PEX3: variants seen among roughly 807,000 people sequenced by gnomAD.
The protein encoded by PEX3 is peroxisomal biogenesis factor 3, also known as peroxin-3.
PEX3 carries 30 observed loss-of-function variants against 55.8 expected under a neutral mutation model. That is an observed-to-expected ratio of 0.54 (90% CI 0.40 to 0.73). PEX3 has a LOEUF of 0.73. Ranked by LOEUF, PEX3 falls within the 30% of genes least tolerant of loss-of-function variation. PEX3 has a pLI of 0.00. For synonymous variants in PEX3, 135 were observed against 148.4 expected (o/e 0.91, Z 0.66); for missense variants, 351 against 432.8 (o/e 0.81, Z 1.68).
chr6:143,479,445 T>C lies in PEX3; in HGVS notation c.941+247T>C, dbSNP rs1204093957. ...GAAGTACTTTAGTTGTAATTACCTT[T>C]CTATAAGTTGAATTCCAATTATTGT... On this transcript the variant is annotated intron_variant, in intron 10 of 11. Coordinates refer to ENST00000367591, the MANE Select transcript of PEX3 (RefSeq NM_003630.3). This position sits in a 1 kb window ranked among gnomAD's most constrained non-coding sequence, Gnocchi z 4.6. 2.0e-5 allele frequency among the ~76,000 whole-genome samples: 3 copies of C among 152,168 alleles called. No homozygotes were observed. The highest frequency in any genetic ancestry group is 6.5e-5 in the Admixed American group (1 of 15,286).
rs1173753421 is a variant in PEX3, at chr6:143,462,924, A to G, written c.214A>G (p.Met72Val). The G allele has an allele frequency of 1.2e-6, 2 of 1,612,544 alleles. No individual in the cohort carries two copies. Among genetic ancestry groups the G allele is most frequent in the Admixed American group, 1.7e-5 (1 of 59,960 alleles). ...TTTTGTTTGTATTACAGTGCTGTCC[A>G]TGCTTCCAACACTGAGAGAGGCCTT... Reference protein sequence around the residue: ...QRTCNMTVLSMLPTLREALMQ... With the variant: ...QRTCNMTVLSVLPTLREALMQ... Residue 72 changes from methionine to valine, a missense_variant, in exon 3 of 12, where the codon ATG becomes GTG. Physicochemically the swap from Met to Val is conservative, Grantham distance 21. Transcript: ENST00000367591. This position sits in a 1 kb window ranked among gnomAD's most constrained non-coding sequence, Gnocchi z 4.1.
intron 9 of PEX3, among the ~76,000 whole-genome samples, chr6:143,478,128 A>G (rs1780178597): frequency 6.6e-6 from 1 of 152,150 alleles, no homozygotes; most frequent in Non-Finnish European, 1.5e-5. Context: ...TACAGCATAG[A>G]AGAACCTTCA....
chr6:143,487,253 C>T lies in PEX3; in HGVS notation c.1039-1890C>T, dbSNP rs1207784832. ...ACATCCTAGAAGCTGCATCAGGATACAGTATTTGAACAGATTAAAGTCTTT... is the reference window on the plus strand; with the variant it reads ...ACATCCTAGAAGCTGCATCAGGATATAGTATTTGAACAGATTAAAGTCTTT... On this transcript the variant is annotated intron_variant, in intron 11 of 11. Transcript: ENST00000367591. This position sits in a 1 kb window ranked among gnomAD's most constrained non-coding sequence, Gnocchi z 5.3. Among the ~76,000 whole-genome samples, 1 of 152,126 alleles carries T rather than the reference C, an allele frequency of 6.6e-6. No homozygotes were observed. The highest frequency in any genetic ancestry group is 6.6e-5 in the Admixed American group (1 of 15,262).
chr6:143,472,474 A>G (rs1258048930), intron 8 of PEX3, 146 bp downstream of exon 8: 4 of 650,122 alleles, frequency 6.2e-6, no homozygotes, highest in Non-Finnish European at 1.1e-5. Flanking sequence ...CCATTAATTT[A>G]GAAAAACAGC....
In PEX3 at chr6:143,459,608, G is replaced by C. The variant is rs1779892630; in HGVS notation, c.205+392G>C. Among the ~76,000 whole-genome samples the C allele has an allele frequency of 6.6e-6, 1 of 152,188 alleles. No homozygotes were observed. ...CGTTCTTTAAGACAGGGGATCAGTA[G>C]AGTCAGGTTTCTTTGAGGTAACATT... On this transcript the variant is annotated intron_variant, in intron 2 of 11. Coordinates refer to ENST00000367591, the MANE Select transcript of PEX3 (RefSeq NM_003630.3). This position sits in a 1 kb window ranked among gnomAD's most constrained non-coding sequence, Gnocchi z 4.2.
At chr6:143,456,407 C>A (rs2128745274) in intron 1 of PEX3, among the ~76,000 whole-genome samples, 1 of 152,312 alleles carries the variant, frequency 6.6e-6, no homozygotes, top group Admixed American at 6.5e-5. Context: ...TGTATAAGAA[C>A]TTAGTTCAGT....
In PEX3 at chr6:143,485,163, T is replaced by G. The variant is rs777720719; in HGVS notation, c.953T>G (p.Val318Gly). The change falls in exon 11 of 12, where the codon GTC becomes GGC. Residue 318 changes from valine (V) to glycine (G), a missense_variant. By Grantham distance (109) the Val-to-Gly change is moderately radical. Transcript: ENST00000367591. This position sits in a 1 kb window ranked among gnomAD's most constrained non-coding sequence, Gnocchi z 5.6. ...TAATGATTTTTCAGTCTTTCCAGTG[T>G]CAGCCTGCCTTTAGCTAAGATAATT... Reference protein sequence around the residue: ...HGNSMNSLSSVSLPLAKIIPI... With the variant: ...HGNSMNSLSSGSLPLAKIIPI... The G allele has an allele frequency of 5.0e-6, 8 of 1,592,652 alleles. No homozygotes were observed. In the African/African-American group the frequency reaches 1.1e-4, roughly 21 times the overall value.
rs1780342773 is a variant in PEX3, at chr6:143,488,021, CCTGAAAGTATGTCTGTAAATT to C, written c.1039-1118_1039-1098del. On this transcript the variant is annotated intron_variant, in intron 11 of 11. Coordinates refer to ENST00000367591, the MANE Select transcript of PEX3 (RefSeq NM_003630.3). The surrounding 1 kb of genome is among the most constrained non-coding windows in gnomAD (Gnocchi z 4.9). ...AAATTTCCCCTCAAATTCTTGGGCC[CCTGAAAGTATGTCTGTAAATT>C]CTGGTTTGAGAAACATTGATCTAAA... is the stretch of plus-strand genomic sequence containing the variant. Among the ~76,000 whole-genome samples the C allele has an allele frequency of 6.6e-6, 1 of 152,056 alleles. No individual in the cohort carries two copies. The highest frequency in any genetic ancestry group is 1.5e-5 in the Non-Finnish European group (1 of 67,972).
At position 143,486,242 on chromosome 6, in the gene PEX3, T is replaced by C. The variant is rs1191470677; in HGVS notation, c.1038+994T>C. Among the ~76,000 whole-genome samples, 1 of 152,146 alleles carries C rather than the reference T, an allele frequency of 6.6e-6. No homozygotes were observed. Among genetic ancestry groups the C allele is most frequent in the Non-Finnish European group, 1.5e-5 (1 of 68,020 alleles). On this transcript the variant is annotated intron_variant, in intron 11 of 11. Transcript: ENST00000367591. This position sits in a 1 kb window ranked among gnomAD's most constrained non-coding sequence, Gnocchi z 5.0. ...GATCTCATTTTACTGAATGTTAAGC[T>C]TCACATCTATATCAATGTGAGAAAA...
intron 2 of PEX3, among the ~76,000 whole-genome samples, chr6:143,460,743 A>T (rs1779906965): frequency 6.6e-6 from 1 of 152,018 alleles, no homozygotes; most frequent in South Asian, 2.1e-4. Context: ...GCATGCCTGT[A>T]ATCCCAACTA....
chr6:143,461,723 G>T (rs1779923471), intron 2 of PEX3, among the ~76,000 whole-genome samples: 1 of 152,156 alleles, frequency 6.6e-6, no homozygotes, highest in Admixed American at 6.5e-5. Context: ...AAGGTGGGAG[G>T]ATTGCTAGAG....
rs1462712986 is a variant in PEX3 at position 143,475,430 on chromosome 6, T to C, written c.818+574T>C. ...ACTTTGAGTGGCCGAGGCAGGTAGA[T>C]TGCTTGAGCCTAGGAGTTCAAGACC... On this transcript the variant is annotated intron_variant, in intron 9 of 11. Coordinates refer to ENST00000367591, the MANE Select transcript of PEX3 (RefSeq NM_003630.3). This position sits in a 1 kb window ranked among gnomAD's most constrained non-coding sequence, Gnocchi z 4.4. Among the ~76,000 whole-genome samples the C allele has an allele frequency of 6.6e-6, 1 of 152,164 alleles. No homozygotes were observed.
intron 8 of PEX3, among the ~76,000 whole-genome samples, chr6:143,474,319 C>T (rs1357157840): frequency 2.0e-5 from 3 of 151,626 alleles, no homozygotes; most frequent in Non-Finnish European, 2.9e-5. Flanking sequence ...CTTAGCCGGT[C>T]GTGGTGGCGC....
At chr6:143,470,194 C>T (rs553583172) in intron 4 of PEX3, among the ~76,000 whole-genome samples, 4 of 152,254 alleles carry the variant, frequency 2.6e-5, no homozygotes, top group Admixed American at 1.3e-4. Flanking sequence ...GTGATCCGCC[C>T]GCCTCGGCCT....
rs57898660 is a variant in PEX3, at chr6:143,466,763, G to A, written c.288-1359G>A. Among the ~76,000 whole-genome samples, 2,518 of 151,928 alleles carry A rather than the reference G, an allele frequency of 0.017. 68 individuals carry two copies. The highest frequency in any genetic ancestry group is 0.058 in the African/African-American group (2,414 of 41,444). On this transcript the variant is annotated intron_variant, in intron 3 of 11. Coordinates refer to ENST00000367591, the MANE Select transcript of PEX3 (RefSeq NM_003630.3). This position sits in a 1 kb window ranked among gnomAD's most constrained non-coding sequence, Gnocchi z 5.4. ...TAATATTTTTCACTTATCTAAGGGG[G>A]CAGATATAAATGTATATATACATAT...
intron 2 of PEX3, among the ~76,000 whole-genome samples, chr6:143,461,254 G>A (rs1484822745): frequency 3.3e-5 from 5 of 152,172 alleles, no homozygotes; most frequent in African/African-American, 9.7e-5. Context: ...CATACAAGCA[G>A]TGTCATTGGC....
At position 143,489,293 on chromosome 6, in the gene PEX3, A is replaced by G; in HGVS notation, c.*67A>G. 4.7e-6 allele frequency: 4 copies of G among 845,994 alleles called. No homozygotes were observed. The highest frequency in any genetic ancestry group is 1.7e-5 in the Admixed American group (1 of 58,504). The allele number at this position is 845,994 out of a possible 1,614,324, so 52.4% of individuals were successfully genotyped here. A position where few individuals can be genotyped will look rare whatever the true frequency, so the allele number is the denominator to read the frequency against. On this transcript the variant is annotated 3_prime_UTR_variant, in exon 12 of 12. Coordinates refer to ENST00000367591, the MANE Select transcript of PEX3 (RefSeq NM_003630.3). This position sits in a 1 kb window ranked among gnomAD's most constrained non-coding sequence, Gnocchi z 5.5. Reference sequence around the variant, plus strand: ...TTAAAATACACTGGGTAAATCACCTATACTTAGAGTAACAGTTTGTTATCA... The same window carrying G: ...TTAAAATACACTGGGTAAATCACCTGTACTTAGAGTAACAGTTTGTTATCA...
chr6:143,462,326 A>G lies in PEX3; in HGVS notation c.206-590A>G, dbSNP rs1779930542. 6.6e-6 allele frequency among the ~76,000 whole-genome samples: 1 copy of G among 151,822 alleles called. No individual in the cohort carries two copies. Among genetic ancestry groups the G allele is most frequent in the Admixed American group, 6.6e-5 (1 of 15,248 alleles). On this transcript the variant is annotated intron_variant, in intron 2 of 11. Coordinates refer to ENST00000367591, the MANE Select transcript of PEX3 (RefSeq NM_003630.3). The surrounding 1 kb of genome is among the most constrained non-coding windows in gnomAD (Gnocchi z 4.1). ...ATGTTTATTGCTTTGTAGTATTACAAACAGTAAACATGTACAATAAACAGT... is the reference window on the plus strand; with the variant it reads ...ATGTTTATTGCTTTGTAGTATTACAGACAGTAAACATGTACAATAAACAGT...
In PEX3 at chr6:143,458,714, A is replaced by G. The variant is rs1025317243; in HGVS notation, c.74-371A>G. Among the ~76,000 whole-genome samples the G allele has an allele frequency of 1.4e-4, 21 of 152,190 alleles. No individual in the cohort carries two copies. Among genetic ancestry groups the G allele is most frequent in the Non-Finnish European group, 2.8e-4 (19 of 68,030 alleles). ...TATTTCCTTGAGTCATTATTTAGCAATGTGGTTTTTAATAACTACATAAGA... is the reference window on the plus strand; with the variant it reads ...TATTTCCTTGAGTCATTATTTAGCAGTGTGGTTTTTAATAACTACATAAGA... On this transcript the variant is annotated intron_variant, in intron 1 of 11. Coordinates refer to ENST00000367591, the MANE Select transcript of PEX3 (RefSeq NM_003630.3). The surrounding 1 kb of genome is among the most constrained non-coding windows in gnomAD (Gnocchi z 6.1).
Sources: allele counts gnomAD v4.1 joint callset (sites outside exome capture counted in the v4.1 genomes callset), GRCh38; gene constraint gnomAD v4.1.1; non-coding constraint Gnocchi (gnomAD v3.1); transcripts MANE v1.5; gene names NCBI Gene and HGNC (gene_info 2026-07-23, HGNC 2026-07-21).